The following DYRK1A variants were observed in gnomAD, a reference collection of about 807,000 sequenced individuals.
DYRK1A encodes the protein dual specificity tyrosine phosphorylation regulated kinase 1A.
DYRK1A carries 9 observed loss-of-function variants against 79.7 expected under a neutral mutation model. The ratio of observed to expected loss-of-function variants is 0.11; its 90% CI spans 0.07 to 0.20. DYRK1A has a LOEUF of 0.20. Ranked by LOEUF, DYRK1A falls within the 10% of genes least tolerant of loss-of-function variation. The pLI, the probability that DYRK1A is intolerant of heterozygous loss-of-function variation, is 1.00. For missense variants in DYRK1A, 622 were observed against 956.0 expected (o/e 0.65, Z 4.61); for synonymous variants, 349 against 329.7 (o/e 1.06, Z -0.63).
At chr21:37,437,121 G>A (rs2050947623) in intron 2 of DYRK1A, among the ~76,000 whole-genome samples, 1 of 152,186 alleles carries the variant, frequency 6.6e-6, no homozygotes, top group Admixed American at 6.5e-5. Context: ...AAGGTAGATG[G>A]TAGAGGAGAC....
chr21:37,493,412 A>G (rs544309458), intron 8 of DYRK1A, among the ~76,000 whole-genome samples: 19 of 152,330 alleles, frequency 1.2e-4, no homozygotes, highest in Middle Eastern at 3.4e-3. Flanking sequence ...GTATTTTGGC[A>G]TACATTTTAC....
chr21:37,450,037 A>G (rs1434847361), intron 2 of DYRK1A, among the ~76,000 whole-genome samples: 1 of 152,194 alleles, frequency 6.6e-6, no homozygotes, highest in Non-Finnish European at 1.5e-5. Context: ...CGGATCCCAC[A>G]CCTGGCACTT....
rs564103695 is a variant in DYRK1A at position 37,418,810 on chromosome 21, A to G, written c.-76-1489A>G. 3 of 152,322 alleles carry G rather than the reference A, an allele frequency of 2.0e-5. No individual in the cohort carries two copies. The East Asian group carries it at 5.8e-4, about 29-fold the overall frequency. The allele number at this position is 152,322 out of a possible 1,614,324, so 9.4% of individuals were successfully genotyped here. Reference sequence around the variant, plus strand: ...CAGCTAGTTGTAGGTCTAGTGTTTAATGTAATACCGTAACAGGCATTTGAA... The same window carrying G: ...CAGCTAGTTGTAGGTCTAGTGTTTAGTGTAATACCGTAACAGGCATTTGAA... On this transcript the variant is annotated intron_variant, in intron 1 of 11. Coordinates refer to ENST00000647188, the MANE Select transcript of DYRK1A (RefSeq NM_001347721.2).
Position 37,514,884 on chromosome 21 carries a change from A to T in DYRK1A, c.*2353A>T, listed in dbSNP as rs1052254236. 6 of 152,642 alleles carry T rather than the reference A, an allele frequency of 3.9e-5. No individual in the cohort carries two copies. Among genetic ancestry groups the T allele is most frequent in the African/African-American group, 1.4e-4 (6 of 41,454 alleles). 9.5% of individuals were successfully genotyped at this position (152,642 alleles called of 1,614,324 possible). A position where few individuals can be genotyped will look rare whatever the true frequency, so the allele number is the denominator to read the frequency against. On this transcript the variant is annotated 3_prime_UTR_variant, in exon 12 of 12. Coordinates refer to ENST00000647188, the MANE Select transcript of DYRK1A (RefSeq NM_001347721.2). Reference sequence around the variant, plus strand: ...GCCACATCTTAGCAAGCACCAAAAAACTAAAGCAGTTTTTAAACCGATATT... The same window carrying T: ...GCCACATCTTAGCAAGCACCAAAAATCTAAAGCAGTTTTTAAACCGATATT...
chr21:37,512,581 T>G lies in DYRK1A; in HGVS notation c.*50T>G, dbSNP rs2148663566. 1.3e-6 allele frequency: 2 copies of G among 1,575,484 alleles called. No homozygotes were observed. The highest frequency in any genetic ancestry group is 2.3e-5 in the East Asian group (1 of 44,442). On this transcript the variant is annotated 3_prime_UTR_variant, in exon 12 of 12. Transcript: ENST00000647188. ...CTTGTGTGTTTTTATAGAAGTGGTG[T>G]TTTTTTTCCAAAAACAAAGTGCAAA...
intron 1 of DYRK1A, among the ~76,000 whole-genome samples, chr21:37,399,765 G>A (rs150955060): frequency 0.011 from 1,643 of 152,252 alleles, 27 homozygotes; most frequent in African/African-American, 0.036. Context: ...CAGTGAGACT[G>A]TACATCATTC....
intron 1 of DYRK1A, among the ~76,000 whole-genome samples, chr21:37,395,683 C>T (rs1237912654): frequency 6.6e-6 from 1 of 152,146 alleles, no homozygotes; most frequent in African/African-American, 2.4e-5. Flanking sequence ...TCCCCTCTCC[C>T]ATCTTTGGAA....
Position 37,512,072 on chromosome 21 carries a change from C to CCACCACCACCAT in DYRK1A, c.1819_1830dup (p.His607_His610dup). 1 of 1,613,998 alleles carries CCACCACCACCAT rather than the reference C, an allele frequency of 6.2e-7. No individual in the cohort carries two copies. Among genetic ancestry groups the CCACCACCACCAT allele is most frequent in the Non-Finnish European group, 8.5e-7 (1 of 1,179,958 alleles). On this transcript the variant is annotated inframe_insertion, in exon 12 of 12. Coordinates refer to ENST00000647188, the MANE Select transcript of DYRK1A (RefSeq NM_001347721.2). ...GTAACAGTTCCCATCACCATCACCA[C>CCACCACCACCAT]CACCACCACCATCACCACCACCATG...
intron 2 of DYRK1A, among the ~76,000 whole-genome samples, chr21:37,450,274 A>T (rs1316770556): frequency 6.6e-6 from 1 of 152,212 alleles, no homozygotes; most frequent in Non-Finnish European, 1.5e-5. Flanking sequence ...TTTGCCTTCC[A>T]TGATTCTCAT....
chr21:37,467,117 AAAAAC>A (rs200450966), intron 2 of DYRK1A, among the ~76,000 whole-genome samples: 7,255 of 151,042 alleles, frequency 0.048, 497 homozygotes, highest in African/African-American at 0.17. Flanking sequence ...AAAAAAAAAA[AAAAAC>A]AAAACAAAAA....
intron 2 of DYRK1A, among the ~76,000 whole-genome samples, chr21:37,466,368 A>G (rs2052025461): frequency 6.6e-6 from 1 of 152,238 alleles, no homozygotes; most frequent in Admixed American, 6.5e-5. Context: ...ATTGTAATAT[A>G]TAAGGTAACT....
chr21:37,375,218 C>G (rs1174425552), intron 1 of DYRK1A: 1 of 152,088 alleles, frequency 6.6e-6, no homozygotes, highest in Non-Finnish European at 1.5e-5. Flanking sequence ...TTTAAATACT[C>G]AAGTGAATGT....
intron 1 of DYRK1A, among the ~76,000 whole-genome samples, chr21:37,402,637 T>C (rs1490164499): frequency 3.3e-5 from 5 of 152,230 alleles, no homozygotes; most frequent in African/African-American, 9.6e-5. Flanking sequence ...CCTTTTTTTT[T>C]CTGTGACTTT....
chr21:37,493,247 T>G (rs1335153066), intron 8 of DYRK1A, 84 bp downstream of exon 8: 2 of 1,414,746 alleles, frequency 1.4e-6, no homozygotes, highest in Non-Finnish European at 1.9e-6. Flanking sequence ...AAAAGTTGTT[T>G]TTAGGCAAAG....
chr21:37,369,890 T>C (rs953960140), intron 1 of DYRK1A, among the ~76,000 whole-genome samples: 4 of 152,246 alleles, frequency 2.6e-5, no homozygotes, highest in South Asian at 2.1e-4. Flanking sequence ...GTGCAAGATA[T>C]CTAAAAATAA....
intron 2 of DYRK1A, among the ~76,000 whole-genome samples, chr21:37,423,745 T>C (rs1306587888): frequency 6.6e-6 from 1 of 152,166 alleles, no homozygotes; most frequent in Non-Finnish European, 1.5e-5. Context: ...CACTTTTAAA[T>C]GTGGAATAGT....
At chr21:37,414,741 G>GTTA (rs2050305316) in intron 1 of DYRK1A, among the ~76,000 whole-genome samples, 1 of 152,254 alleles carries the variant, frequency 6.6e-6, no homozygotes, top group East Asian at 1.9e-4. Context: ...AGTAGTGGGA[G>GTTA]TTAGGTTCCC....
intron 11 of DYRK1A, among the ~76,000 whole-genome samples, chr21:37,508,765 C>G (rs145863091): frequency 1.6e-3 from 246 of 152,288 alleles, no homozygotes; most frequent in Non-Finnish European, 3.0e-3. Context: ...GCCACATTCT[C>G]TCTTACTTTT....
chr21:37,493,250 A>G, intron 8 of DYRK1A, 87 bp downstream of exon 8: 2 of 1,351,394 alleles, frequency 1.5e-6, no homozygotes, highest in Non-Finnish European at 2.0e-6. Flanking sequence ...AGTTGTTTTT[A>G]GGCAAAGATG....
Sources: gnomAD v4.1 joint callset for allele counts (sites outside exome capture counted in the v4.1 genomes callset) on GRCh38, gnomAD v4.1.1 for gene constraint, MANE v1.5 for transcripts, NCBI Gene and HGNC (gene_info 2026-07-23, HGNC 2026-07-21) for gene names.